ANO1: variants seen among roughly 807,000 people sequenced by gnomAD.
ANO1 encodes anoctamin-1.
A neutral mutation model predicts 124.0 loss-of-function variants in ANO1; 59 were observed. That is an observed-to-expected ratio of 0.48 (90% CI 0.39 to 0.59). The LOEUF (loss-of-function observed/expected upper bound fraction) is 0.59, where lower values mean the gene tolerates loss of function less well. Ranked by LOEUF, ANO1 falls within the 20% of genes least tolerant of loss-of-function variation. The pLI, the probability that ANO1 is intolerant of heterozygous loss-of-function variation, is 0.00. For synonymous variants in ANO1, 529 were observed against 532.0 expected (o/e 0.99, Z 0.08); for missense variants, 1,059 against 1,328.0 (o/e 0.80, Z 3.15).
Position 70,188,919 on chromosome 11 carries a change from T to G in ANO1, c.*915T>G, listed in dbSNP as rs532334251. The G allele has an allele frequency of 6.6e-6, 1 of 152,232 alleles. No homozygotes were observed. Among genetic ancestry groups the G allele is most frequent in the African/African-American group, 2.4e-5 (1 of 41,296 alleles). 9.4% of individuals were successfully genotyped at this position (152,232 alleles called of 1,614,324 possible). ...TTCAAATATCAATTATATGGTAGATTGAGGATTTTTTTTCTGTAGCTCAAA... is the reference window on the plus strand; with the variant it reads ...TTCAAATATCAATTATATGGTAGATGGAGGATTTTTTTTCTGTAGCTCAAA... On this transcript the variant is annotated 3_prime_UTR_variant, in exon 26 of 26. Coordinates refer to ENST00000355303, the MANE Select transcript of ANO1 (RefSeq NM_018043.7).
intron 1 of ANO1, among the ~76,000 whole-genome samples, chr11:70,060,946 A>G (rs1293319908): frequency 6.6e-6 from 1 of 152,198 alleles, no homozygotes; most frequent in Non-Finnish European, 1.5e-5. Context: ...AGGGTCTATG[A>G]GATCAGTTAA....
intron 1 of ANO1, among the ~76,000 whole-genome samples, chr11:70,046,388 C>A (rs1355021921): frequency 6.6e-6 from 1 of 152,120 alleles, no homozygotes; most frequent in African/African-American, 2.4e-5. Flanking sequence ...AGCTCTGAGA[C>A]CCCCGTATTC....
intron 1 of ANO1, among the ~76,000 whole-genome samples, chr11:70,030,917 A>G (rs1331294493): frequency 6.6e-6 from 1 of 152,084 alleles, no homozygotes; most frequent in Non-Finnish European, 1.5e-5. Flanking sequence ...TGCATTCACG[A>G]GGTTCAATGT....
intron 10 of ANO1, among the ~76,000 whole-genome samples, chr11:70,130,584 C>T (rs1349819629): frequency 6.6e-6 from 1 of 152,170 alleles, no homozygotes; most frequent in Non-Finnish European, 1.5e-5. Flanking sequence ...CCGCCGATAG[C>T]CTGGAAGTAT....
chr11:69,984,554 G>A (rs1855993796), upstream of ANO1, among the ~76,000 whole-genome samples: 1 of 152,182 alleles, frequency 6.6e-6, no homozygotes, highest in Non-Finnish European at 1.5e-5. Context: ...ATGTCTTTGT[G>A]GGTTTGCCGC....
At chr11:70,018,398 A>G (rs1439811983) in intron 1 of ANO1, 3 of 151,990 alleles carry the variant, frequency 2.0e-5, no homozygotes, top group African/African-American at 7.3e-5. Context: ...TTCCAGCATC[A>G]TGGATGGATG....
At chr11:70,007,024 T>G (rs1159153851) in intron 1 of ANO1, among the ~76,000 whole-genome samples, 1 of 152,170 alleles carries the variant, frequency 6.6e-6, no homozygotes, top group Non-Finnish European at 1.5e-5. Flanking sequence ...TGCACATTGC[T>G]GTGCATTAAC....
At chr11:70,161,764 C>G (rs78838088) in intron 18 of ANO1, 31 bp downstream of exon 18, 9 of 1,601,948 alleles carry the variant, frequency 5.6e-6, no homozygotes, top group Admixed American at 1.7e-5. Context: ...TCCCCAACCT[C>G]GCTTCTCCCA....
intron 1 of ANO1, among the ~76,000 whole-genome samples, chr11:70,013,313 T>G (rs1856633738): frequency 6.6e-6 from 1 of 152,176 alleles, no homozygotes; most frequent in Non-Finnish European, 1.5e-5. Context: ...GTTGCAAATT[T>G]GGACTTGATC....
intron 8 of ANO1, among the ~76,000 whole-genome samples, chr11:70,122,183 CTG>C (rs1229014717): frequency 4.0e-5 from 5 of 126,486 alleles, no homozygotes; most frequent in Admixed American, 8.4e-5. Flanking sequence ...ACCTCTCTGT[CTG>C]TCTTTCTGTC....
rs139677747 is a variant in ANO1 at position 70,044,039 on chromosome 11, A to G, written c.59-34503A>G. ...ACATAGAAATAAAATGTAATAGGAC[A>G]GTAGCACAAAGGAAGGAGAGAAATG... On this transcript the variant is annotated intron_variant, in intron 1 of 27. Coordinates refer to the ANO1 transcript ENST00000531349. Among the ~76,000 whole-genome samples, 73 of 149,904 alleles carry G rather than the reference A, an allele frequency of 4.9e-4. 2 individuals carry two copies. In the East Asian group the frequency reaches 6.8e-3, roughly 14 times the overall value.
intron 1 of ANO1, among the ~76,000 whole-genome samples, chr11:70,010,179 G>GTATGTGTGTATATATA (rs1188271051): frequency 1.2e-5 from 1 of 83,774 alleles, no homozygotes; most frequent in African/African-American, 4.7e-5. Context: ...GTGTGTGTGT[G>GTATGTGTGTATATATA]TATATATATA....
chr11:70,005,622 T>C (rs1554999929), intron 1 of ANO1, among the ~76,000 whole-genome samples: 1 of 152,208 alleles, frequency 6.6e-6, no homozygotes, highest in East Asian at 1.9e-4. Context: ...TTTCTATAAA[T>C]AAAGCCATGT....
intron 1 of ANO1, among the ~76,000 whole-genome samples, chr11:69,993,074 T>C (rs961581521): frequency 5.3e-5 from 8 of 152,144 alleles, no homozygotes; most frequent in Non-Finnish European, 1.2e-4. Flanking sequence ...GTCTGGGCTC[T>C]GGGTCCCCAC....
chr11:70,126,319 G>T, intron 10 of ANO1, 124 bp downstream of exon 10: 2 of 1,245,960 alleles, frequency 1.6e-6, no homozygotes, highest in Non-Finnish European at 1.1e-6. Flanking sequence ...GAAACCTCAC[G>T]CCAAGCCACG....
intron 11 of ANO1, among the ~76,000 whole-genome samples, chr11:70,132,474 G>A (rs193002157): frequency 1.1e-3 from 162 of 152,238 alleles, no homozygotes; most frequent in Middle Eastern, 3.4e-3. Flanking sequence ...GCCAGGTCCC[G>A]GAGGCACCGT....
chr11:70,100,418 G>A (rs570739302), intron 2 of ANO1, among the ~76,000 whole-genome samples: 6 of 152,194 alleles, frequency 3.9e-5, no homozygotes, highest in East Asian at 1.9e-4. Context: ...GAGACCCAGC[G>A]AGGAGAGGAG....
chr11:70,060,323 A>G (rs1279511417), intron 1 of ANO1, among the ~76,000 whole-genome samples: 1 of 152,214 alleles, frequency 6.6e-6, no homozygotes, highest in Non-Finnish European at 1.5e-5. Context: ...GTGGGACACG[A>G]CAGCATATCC....
intron 1 of ANO1, among the ~76,000 whole-genome samples, chr11:70,017,576 C>T (rs555870942): frequency 3.3e-4 from 50 of 149,364 alleles, no homozygotes; most frequent in African/African-American, 1.0e-3. Context: ...AGTACAGTGG[C>T]ATGGTCATGT....
Sources: gnomAD v4.1 joint callset for allele counts (sites outside exome capture counted in the v4.1 genomes callset) on GRCh38, gnomAD v4.1.1 for gene constraint, MANE v1.5 for transcripts, NCBI Gene and HGNC (gene_info 2026-07-23, HGNC 2026-07-21) for gene names.